TAFA5: variants seen among roughly 807,000 people sequenced by gnomAD.
The protein encoded by TAFA5 is TAFA chemokine like family member 5.
A neutral mutation model predicts 15.3 loss-of-function variants in TAFA5; 6 were observed. That is an observed-to-expected ratio of 0.39 (90% confidence interval 0.21 to 0.77). TAFA5 has a LOEUF of 0.77. Ranked by LOEUF, TAFA5 falls within the 30% of genes least tolerant of loss-of-function variation. The pLI is 0.41. For missense variants in TAFA5, 161 were observed against 193.1 expected (o/e 0.83, Z 0.98); for synonymous variants, 103 against 80.7 (o/e 1.28, Z -1.48).
intron 1 of TAFA5, among the ~76,000 whole-genome samples, chr22:48,584,336 TCACA>T (rs1333199203): frequency 8.6e-6 from 1 of 115,952 alleles, no homozygotes; most frequent in Admixed American, 8.6e-5. Context: ...CACACAGATA[TCACA>T]CACACCACAC....
At chr22:48,538,233 C>T (rs1922238259) in intron 1 of TAFA5, among the ~76,000 whole-genome samples, 1 of 151,908 alleles carries the variant, frequency 6.6e-6, no homozygotes, top group Non-Finnish European at 1.5e-5. Context: ...CTGCCAGCTC[C>T]TGGTTTAGGG....
intron 2 of TAFA5, among the ~76,000 whole-genome samples, chr22:48,655,964 G>A (rs1295442900): frequency 4.1e-5 from 6 of 146,638 alleles, no homozygotes; most frequent in Non-Finnish European, 6.0e-5. Context: ...TCAGCCTCCC[G>A]AGTAGCAGGG....
At chr22:48,678,902 T>TCCCGGCTCCCCGGCTC (rs1162529854) in intron 2 of TAFA5, among the ~76,000 whole-genome samples, 1 of 144,908 alleles carries the variant, frequency 6.9e-6, no homozygotes, top group African/African-American at 2.5e-5. Context: ...TCCATCCCTC[T>TCCCGGCTCCCCGGCTC]CCCGGCTCCC....
intron 3 of TAFA5, among the ~76,000 whole-genome samples, chr22:48,709,359 C>T (rs1929180720): frequency 6.6e-6 from 1 of 152,134 alleles, no homozygotes; most frequent in Admixed American, 6.5e-5. Context: ...CATGTCCTTA[C>T]TGCTACCTGT....
At chr22:48,514,558 T>C (rs190914338) in intron 1 of TAFA5, among the ~76,000 whole-genome samples, 125 of 152,238 alleles carry the variant, frequency 8.2e-4, no homozygotes, top group African/African-American at 2.7e-3. Flanking sequence ...TTTAGTGTCC[T>C]GAGGAAACCG....
intron 2 of TAFA5, among the ~76,000 whole-genome samples, chr22:48,674,285 C>T (rs1163147950): frequency 2.0e-5 from 3 of 152,104 alleles, no homozygotes; most frequent in Non-Finnish European, 4.4e-5. Flanking sequence ...GCATTGCTCG[C>T]CCCCACCTGC....
chr22:48,690,853 G>A (rs79476095), intron 2 of TAFA5, among the ~76,000 whole-genome samples: 48,926 of 151,842 alleles, frequency 0.32, 8,059 homozygotes, highest in Non-Finnish European at 0.36. Context: ...TGCTGCCCCC[G>A]CCCCCTGTCT....
chr22:48,709,366 C>T (rs130152), intron 3 of TAFA5, among the ~76,000 whole-genome samples: 106,428 of 152,060 alleles, frequency 0.7, 37,431 homozygotes, highest in Middle Eastern at 0.72. Flanking sequence ...TTACTGCTAC[C>T]TGTCTGCAGA....
At chr22:48,575,653 G>A (rs1057371820) in intron 1 of TAFA5, among the ~76,000 whole-genome samples, 2 of 146,270 alleles carry the variant, frequency 1.4e-5, no homozygotes, top group African/African-American at 4.9e-5. Context: ...CAGCCCAGGG[G>A]CGCGGTGGGC....
chr22:48,496,024 G>C (rs759032093), intron 1 of TAFA5, among the ~76,000 whole-genome samples: 1 of 152,212 alleles, frequency 6.6e-6, no homozygotes, highest in Non-Finnish European at 1.5e-5. Flanking sequence ...TGCTCCTATC[G>C]CCCGTGAAGG....
chr22:48,567,301 GT>G (rs1156872295), intron 1 of TAFA5, among the ~76,000 whole-genome samples: 1 of 152,212 alleles, frequency 6.6e-6, no homozygotes, highest in Non-Finnish European at 1.5e-5. Flanking sequence ...GCCCTCGTGT[GT>G]GCCCATCTGT....
chr22:48,710,717 T>C (rs1929225814), intron 3 of TAFA5, among the ~76,000 whole-genome samples: 1 of 152,212 alleles, frequency 6.6e-6, no homozygotes, highest in Non-Finnish European at 1.5e-5. Context: ...ACCAGGCACC[T>C]GGGATATTCC....
intron 1 of TAFA5, among the ~76,000 whole-genome samples, chr22:48,546,320 C>T (rs539837948): frequency 3.3e-5 from 5 of 152,316 alleles, no homozygotes; most frequent in East Asian, 1.9e-4. Flanking sequence ...TGTGCCTGCC[C>T]GTCCCAGGGC....
At chr22:48,685,276 A>C (rs1219289912) in intron 2 of TAFA5, among the ~76,000 whole-genome samples, 1 of 152,228 alleles carries the variant, frequency 6.6e-6, no homozygotes, top group Non-Finnish European at 1.5e-5. Context: ...GAATCCTGTA[A>C]GCAGCAGGCT....
At chr22:48,540,238 C>A (rs777072369) in intron 1 of TAFA5, among the ~76,000 whole-genome samples, 11 of 152,092 alleles carry the variant, frequency 7.2e-5, no homozygotes, top group Non-Finnish European at 1.5e-4. Context: ...CACTGCAGCA[C>A]CGGTGCAGGT....
intron 3 of TAFA5, among the ~76,000 whole-genome samples, chr22:48,710,003 C>T (rs1929202603): frequency 1.3e-5 from 2 of 152,226 alleles, no homozygotes; most frequent in Admixed American, 6.5e-5. Context: ...GCGAGCAGCT[C>T]AGTGGCATTG....
At chr22:48,622,343 G>A (rs992201892) in intron 1 of TAFA5, among the ~76,000 whole-genome samples, 14 of 152,100 alleles carry the variant, frequency 9.2e-5, no homozygotes, top group African/African-American at 1.7e-4. Flanking sequence ...GGGCCTGGCC[G>A]GGCACCTGCC....
chr22:48,561,747 A>G (rs111395954), intron 1 of TAFA5, among the ~76,000 whole-genome samples: 98 of 152,324 alleles, frequency 6.4e-4, no homozygotes, highest in Middle Eastern at 3.4e-3. Flanking sequence ...AAAAATCAAT[A>G]AACCATTTCT....
At chr22:48,663,562 A>G (rs144972022) in intron 2 of TAFA5, among the ~76,000 whole-genome samples, 1 of 152,252 alleles carries the variant, frequency 6.6e-6, no homozygotes, top group African/African-American at 2.4e-5. Context: ...AGAGGTAAGC[A>G]CACAGCATTG....
Sources: gnomAD v4.1 joint callset for allele counts (sites outside exome capture counted in the v4.1 genomes callset) on GRCh38, gnomAD v4.1.1 for gene constraint, MANE v1.5 for transcripts, NCBI Gene and HGNC (gene_info 2026-07-23, HGNC 2026-07-21) for gene names.